Variants in ADGRL2 observed in about 807,000 individuals in gnomAD.
The protein encoded by ADGRL2 is adhesion G protein-coupled receptor L2.
A neutral mutation model predicts 157.4 loss-of-function variants in ADGRL2; 44 were observed. The observed-to-expected ratio is 0.28, with a 90% confidence interval of 0.22 to 0.36. ADGRL2 has a LOEUF of 0.36. Ranked by LOEUF, ADGRL2 falls within the 10% of genes least tolerant of loss-of-function variation. The pLI, the probability that ADGRL2 is intolerant of heterozygous loss-of-function variation, is 1.00. For synonymous variants in ADGRL2, 585 were observed against 624.7 expected (o/e 0.94, Z 0.95); for missense variants, 1,510 against 1,768.9 (o/e 0.85, Z 2.63).
intron 3 of ADGRL2, among the ~76,000 whole-genome samples, chr1:81,912,024 T>C (rs985926949): frequency 6.6e-6 from 1 of 151,986 alleles, no homozygotes; most frequent in Non-Finnish European, 1.5e-5. Context: ...AGCACCTGAC[T>C]AGAACCTCAT....
intron 2 of ADGRL2, among the ~76,000 whole-genome samples, chr1:81,572,484 A>G (rs1255127692): frequency 6.6e-6 from 1 of 152,220 alleles, no homozygotes; most frequent in Non-Finnish European, 1.5e-5. Flanking sequence ...AAAAATGCAC[A>G]GTGTCATAAG....
At chr1:81,837,144 G>T (rs1022197719) in intron 2 of ADGRL2, 87 bp downstream of exon 2, 26 of 620,462 alleles carry the variant, frequency 4.2e-5, no homozygotes, top group Non-Finnish European at 5.8e-5. Context: ...TAGAATATTT[G>T]TTTATTATTT....
intron 1 of ADGRL2, among the ~76,000 whole-genome samples, chr1:81,735,668 T>C (rs1276147768): frequency 6.6e-6 from 1 of 151,932 alleles, no homozygotes; most frequent in East Asian, 1.9e-4. Flanking sequence ...TGGATGCCTG[T>C]AATCCCAGCT....
chr1:81,787,408 A>G (rs1342543829), intron 2 of ADGRL2, among the ~76,000 whole-genome samples: 1 of 152,204 alleles, frequency 6.6e-6, no homozygotes, highest in Non-Finnish European at 1.5e-5. Context: ...CTGTAATCCC[A>G]GCACTTTAGG....
At chr1:81,711,105 C>T (rs113907391) in intron 1 of ADGRL2, among the ~76,000 whole-genome samples, 5 of 152,272 alleles carry the variant, frequency 3.3e-5, no homozygotes, top group African/African-American at 1.2e-4. Context: ...AATATCACCA[C>T]CAAGCTTATC....
chr1:81,628,816 C>CA (rs1357532423), intron 3 of ADGRL2, among the ~76,000 whole-genome samples: 13 of 152,018 alleles, frequency 8.6e-5, no homozygotes, highest in East Asian at 5.8e-4. Context: ...ATTTTTTAGG[C>CA]AAAAAAATCT....
chr1:81,770,453 G>A (rs140220510), intron 2 of ADGRL2, among the ~76,000 whole-genome samples: 2 of 151,332 alleles, frequency 1.3e-5, no homozygotes. Flanking sequence ...GAGCCACCAC[G>A]CCTGGCTGCC....
chr1:81,950,040 T>C (rs1651241237), intron 6 of ADGRL2, 149 bp from the exon 7 acceptor site: 1 of 681,558 alleles, frequency 1.5e-6, no homozygotes. Flanking sequence ...ACGAGCGATA[T>C]TGTCAGTAAT....
At chr1:81,374,272 A>G (rs2076208554) in intron 1 of ADGRL2, among the ~76,000 whole-genome samples, 1 of 151,926 alleles carries the variant, frequency 6.6e-6, no homozygotes, top group Non-Finnish European at 1.5e-5. Context: ...ATTAAATCCC[A>G]TAAAATACAA....
At chr1:81,473,942 G>A (rs2078223007) in intron 2 of ADGRL2, among the ~76,000 whole-genome samples, 1 of 152,224 alleles carries the variant, frequency 6.6e-6, no homozygotes, top group Admixed American at 6.5e-5. Context: ...GGAGTTGAGT[G>A]TCCACAGAGC....
chr1:81,821,373 T>C (rs562665105), intron 1 of ADGRL2, among the ~76,000 whole-genome samples: 1 of 152,146 alleles, frequency 6.6e-6, no homozygotes, highest in Non-Finnish European at 1.5e-5. Context: ...TTTTCTGATA[T>C]GCAGGGAGCT....
At chr1:81,341,668 T>G (rs1662084354) in intron 1 of ADGRL2, among the ~76,000 whole-genome samples, 1 of 152,040 alleles carries the variant, frequency 6.6e-6, no homozygotes, top group Admixed American at 6.6e-5. Flanking sequence ...ATACTTAACG[T>G]TACTCTCATG....
chr1:81,359,117 TG>T (rs1242711466), intron 1 of ADGRL2, among the ~76,000 whole-genome samples: 1 of 151,910 alleles, frequency 6.6e-6, no homozygotes, highest in Admixed American at 6.6e-5. Flanking sequence ...TCTGTGTAGT[TG>T]GGAGGTGGTA....
chr1:81,980,812 A>G (rs368527930), intron 18 of ADGRL2: 6 of 715,342 alleles, frequency 8.4e-6, no homozygotes, highest in African/African-American at 1.7e-5. Context: ...CGTGTTTGTG[A>G]TGGCTACTAT....
At chr1:81,987,148 A>C in intron 22 of ADGRL2, 119 bp downstream of exon 22, 1 of 1,388,074 alleles carries the variant, frequency 7.2e-7, no homozygotes, top group Non-Finnish European at 9.8e-7. Context: ...TTAATTTCTC[A>C]GTTAAAAAAA....
At chr1:81,849,768 T>G (rs1571656438) in intron 2 of ADGRL2, among the ~76,000 whole-genome samples, 1 of 152,016 alleles carries the variant, frequency 6.6e-6, no homozygotes, top group East Asian at 1.9e-4. Flanking sequence ...TGAGGACAAA[T>G]TTGTCACAGT....
rs944008607 is a variant in ADGRL2 at position 81,839,944 on chromosome 1, A to T, written c.73+2887A>T. On this transcript the variant is annotated intron_variant, in intron 2 of 23. Coordinates refer to ENST00000686636, the MANE Select transcript of ADGRL2 (RefSeq NM_001366006.2). ...ATATATGATGGAATATATATATATAATATATATATAAATACACACAACACA... is the reference window on the plus strand; with the variant it reads ...ATATATGATGGAATATATATATATATTATATATATAAATACACACAACACA... Among the ~76,000 whole-genome samples, 44 of 140,518 alleles carry T rather than the reference A, an allele frequency of 3.1e-4. 2 individuals carry two copies. Among genetic ancestry groups the T allele is most frequent in the African/African-American group, 1.1e-3 (42 of 37,984 alleles). 92.2% of individuals were successfully genotyped at this position (140,518 alleles called of 152,430 possible).
intron 3 of ADGRL2, among the ~76,000 whole-genome samples, chr1:81,645,326 A>T (rs1391064568): frequency 1.4e-5 from 2 of 141,102 alleles, no homozygotes; most frequent in African/African-American, 5.2e-5. Flanking sequence ...CAGGAGTTGG[A>T]GGTTACAGAG....
chr1:81,530,633 G>T (rs1300530365), intron 2 of ADGRL2, among the ~76,000 whole-genome samples: 1 of 152,072 alleles, frequency 6.6e-6, no homozygotes, highest in East Asian at 1.9e-4. Flanking sequence ...ACAGGCGTGA[G>T]CCACCATGCC....
Sources: allele counts gnomAD v4.1 joint callset (sites outside exome capture counted in the v4.1 genomes callset), GRCh38; gene constraint gnomAD v4.1.1; transcripts MANE v1.5; gene names NCBI Gene and HGNC (gene_info 2026-07-23, HGNC 2026-07-21).